MTMR12: variants seen among roughly 807,000 people sequenced by gnomAD.
MTMR12 encodes myotubularin related protein 12.
Under a neutral mutation model 96.7 loss-of-function variants are expected in MTMR12, and 33 were observed. That is an observed-to-expected ratio of 0.34 (90% CI 0.26 to 0.46). The LOEUF (loss-of-function observed/expected upper bound fraction) is 0.46. MTMR12 is among the 20% of genes least tolerant of loss of function. The pLI is 1.00. For missense variants in MTMR12, 721 were observed against 896.1 expected (o/e 0.80, Z 2.49); for synonymous variants, 298 against 327.2 (o/e 0.91, Z 0.96).
At chr5:32,243,440 G>A in intron 11 of MTMR12, 81 bp downstream of exon 11, 1 of 977,468 alleles carries the variant, frequency 1.0e-6, no homozygotes. Flanking sequence ...ATATCAAACA[G>A]TTAAATTATT....
At chr5:32,295,901 C>T (rs1411452706) in intron 1 of MTMR12, among the ~76,000 whole-genome samples, 1 of 152,118 alleles carries the variant, frequency 6.6e-6, no homozygotes, top group Non-Finnish European at 1.5e-5. Context: ...TTCCTGTAAT[C>T]CCAGCATTTT....
Position 32,228,607 on chromosome 5 carries a change from T to TATATATCA in MTMR12, c.*1170_*1171insTGATATAT, listed in dbSNP as rs1554053440. The TATATATCA allele has an allele frequency of 3.4e-5, 4 of 117,348 alleles. No homozygotes were observed. The highest frequency in any genetic ancestry group is 5.1e-4 in the East Asian group (2 of 3,924). The allele number at this position is 117,348 out of a possible 1,614,324, so 7.3% of individuals were successfully genotyped here. A position where few individuals can be genotyped will look rare whatever the true frequency, so the allele number is the denominator to read the frequency against. The stretch of plus-strand genomic sequence containing the variant: ...TATATATGTGATATATATATATATA[T>TATATATCA]CATATATATGATATATATATATCAC... On this transcript the variant is annotated 3_prime_UTR_variant, in exon 16 of 16. Coordinates refer to ENST00000382142, the MANE Select transcript of MTMR12 (RefSeq NM_001040446.3).
intron 1 of MTMR12, among the ~76,000 whole-genome samples, chr5:32,300,658 A>T (rs2910905): frequency 0.25 from 38,226 of 151,924 alleles, 5,476 homozygotes; most frequent in East Asian, 0.42. Context: ...TAGGTACATC[A>T]GGTTCTTCCT....
rs572585918 is a variant in MTMR12 at position 32,290,010 on chromosome 5, C to T, written c.82-13268G>A. Among the ~76,000 whole-genome samples, 13 of 152,332 alleles carry T rather than the reference C, an allele frequency of 8.5e-5. No individual in the cohort carries two copies. The South Asian group carries it at 2.7e-3, about 32-fold the overall frequency. ...ATCTTGCAGAATGACAGTGGATTCT[C>T]ATAAGCCTAACCAAGAGGTGACTCC... On this transcript the variant is annotated intron_variant, in intron 1 of 15. Transcript: ENST00000382142.
chr5:32,253,437 T>G (rs916839749), intron 8 of MTMR12, among the ~76,000 whole-genome samples: 1 of 152,154 alleles, frequency 6.6e-6, no homozygotes, highest in African/African-American at 2.4e-5. Context: ...AATGAAAATT[T>G]TATGTTAAAA....
rs200536768 is a variant in MTMR12, at chr5:32,270,907, C to T, written c.399G>A (p.Lys133=). 5 of 1,613,952 alleles carry T rather than the reference C, an allele frequency of 3.1e-6. No individual in the cohort carries two copies. Among genetic ancestry groups the T allele is most frequent in the Middle Eastern group, 1.7e-4 (1 of 6,060 alleles). ...EKKKTLFGQL[K]KYPEKLIIHC... Reference sequence around the variant, plus strand: ...GGATGATGAGCTTCTCAGGGTATTTCTTCAGTTGTCCAAAGAGAGTTTTCT... The same window carrying T: ...GGATGATGAGCTTCTCAGGGTATTTTTTCAGTTGTCCAAAGAGAGTTTTCT... Residue 133 remains lysine (K), a synonymous_variant, in exon 5 of 16, where the codon AAG becomes AAA. Coordinates refer to ENST00000382142, the MANE Select transcript of MTMR12 (RefSeq NM_001040446.3).
chr5:32,286,226 C>A (rs1272369585), intron 1 of MTMR12, among the ~76,000 whole-genome samples: 1 of 152,126 alleles, frequency 6.6e-6, no homozygotes, highest in Non-Finnish European at 1.5e-5. Flanking sequence ...GTAGTCCCAG[C>A]TACTCAGGAG....
rs1561727226 is a variant in MTMR12 at position 32,228,591 on chromosome 5, G to GATATATATATATCATATATATTTGAT, written c.*1186_*1187insATCAAATATATATGATATATATATAT. The GATATATATATATCATATATATTTGAT allele has an allele frequency of 9.6e-6, 1 of 103,670 alleles. No homozygotes were observed. Among genetic ancestry groups the GATATATATATATCATATATATTTGAT allele is most frequent in the African/African-American group, 3.9e-5 (1 of 25,430 alleles). The allele number at this position is 103,670 out of a possible 1,614,324, so 6.4% of individuals were successfully genotyped here. On this transcript the variant is annotated 3_prime_UTR_variant, in exon 16 of 16. Transcript: ENST00000382142. ...TATCATATATATATCATATATATGT[G>GATATATATATATCATATATATTTGAT]ATATATATATATATATCATATATAT...
chr5:32,232,844 T>C, intron 15 of MTMR12: 1 of 602,216 alleles, frequency 1.7e-6, no homozygotes, highest in Non-Finnish European at 2.1e-6. Context: ...TCCCCAGTCC[T>C]CTTTAGAATG....
At chr5:32,303,418 C>A (rs950746466) in intron 1 of MTMR12, among the ~76,000 whole-genome samples, 2 of 152,172 alleles carry the variant, frequency 1.3e-5, no homozygotes, top group South Asian at 2.1e-4. Flanking sequence ...TACTCCCCCC[C>A]AGAATCCCTC....
rs562076318 is a variant in MTMR12, at chr5:32,277,817, A to T, written c.82-1075T>A. ...GATGTGTTCTTGAAAGAATATGGAC[A>T]CATAAATAAGGCCCAAAGGTAAGAA... On this transcript the variant is annotated intron_variant, in intron 1 of 15. Coordinates refer to ENST00000382142, the MANE Select transcript of MTMR12 (RefSeq NM_001040446.3). Among the ~76,000 whole-genome samples the T allele has an allele frequency of 1.2e-4, 19 of 152,352 alleles. No homozygotes were observed. In the South Asian group the frequency reaches 3.9e-3, roughly 32 times the overall value.
intron 8 of MTMR12, among the ~76,000 whole-genome samples, 160 bp downstream of exon 8, chr5:32,255,533 C>A (rs1470889990): frequency 1.3e-5 from 2 of 152,168 alleles, no homozygotes; most frequent in Non-Finnish European, 2.9e-5. Flanking sequence ...GTCCCAATGA[C>A]CTTTAACAGA....
At chr5:32,274,249 T>C in intron 2 of MTMR12, 127 bp from the exon 3 acceptor site, 2 of 1,146,008 alleles carry the variant, frequency 1.7e-6, no homozygotes, top group Non-Finnish European at 2.4e-6. Flanking sequence ...TTTAGAACTT[T>C]ACACTTTTCA....
rs761064008 is a variant in MTMR12, at chr5:32,271,881, T to G, written c.310A>C (p.Ile104Leu). 1 of 1,575,266 alleles carries G rather than the reference T, an allele frequency of 6.3e-7. No individual in the cohort carries two copies. Among genetic ancestry groups the G allele is most frequent in the Admixed American group, 1.7e-5 (1 of 57,152 alleles). The change falls in exon 4 of 16, where the codon ATA becomes CTA. Residue 104 changes from isoleucine to leucine, a missense_variant. By Grantham distance (5) the Ile-to-Leu change is conservative. Transcript: ENST00000382142. Reference protein sequence around the residue: ...NDETQFKNKVIGENDITLHCV... With the variant: ...NDETQFKNKVLGENDITLHCV... Reference sequence around the variant, plus strand: ...TGGAGTGTAATGTCATTTTCTCCTATAACCTTATTCTTAAATTGAGTTTCC... The same window carrying G: ...TGGAGTGTAATGTCATTTTCTCCTAGAACCTTATTCTTAAATTGAGTTTCC...
intron 8 of MTMR12, among the ~76,000 whole-genome samples, chr5:32,254,212 T>C (rs1749056263): frequency 6.6e-6 from 1 of 152,254 alleles, no homozygotes; most frequent in South Asian, 2.1e-4. Context: ...TACACTACGC[T>C]GGGAGGTCTC....
intron 1 of MTMR12, among the ~76,000 whole-genome samples, chr5:32,280,688 C>T (rs182643234): frequency 4.1e-4 from 63 of 152,234 alleles, no homozygotes; most frequent in Non-Finnish European, 4.4e-5. Context: ...GAATACCGAC[C>T]TGGGGCCACA....
intron 12 of MTMR12, among the ~76,000 whole-genome samples, chr5:32,240,797 C>T (rs1017110578): frequency 5.9e-5 from 9 of 152,138 alleles, no homozygotes; most frequent in Admixed American, 3.3e-4. Context: ...GACAGGGTTT[C>T]GTCATGTTGG....
At chr5:32,275,689 G>A (rs1169442181) in intron 2 of MTMR12, among the ~76,000 whole-genome samples, 1 of 152,130 alleles carries the variant, frequency 6.6e-6, no homozygotes, top group Admixed American at 6.6e-5. Context: ...CCCACACCTA[G>A]ATGAGACTGT....
intron 1 of MTMR12, among the ~76,000 whole-genome samples, chr5:32,305,380 T>C (rs181389302): frequency 6.6e-6 from 1 of 152,206 alleles, no homozygotes; most frequent in East Asian, 1.9e-4. Context: ...CCACCGCTCC[T>C]GGCCAGGTTA....
Sources: gnomAD v4.1 joint callset for allele counts (sites outside exome capture counted in the v4.1 genomes callset) on GRCh38, gnomAD v4.1.1 for gene constraint, MANE v1.5 for transcripts, NCBI Gene and HGNC (gene_info 2026-07-23, HGNC 2026-07-21) for gene names.